The following REEP2 variants were observed in gnomAD, a reference collection of about 807,000 sequenced individuals.
The protein encoded by REEP2 is receptor accessory protein 2.
A neutral mutation model predicts 32.1 loss-of-function variants in REEP2; 9 were observed. The observed-to-expected ratio is 0.28, with a 90% confidence interval of 0.17 to 0.49. The LOEUF (loss-of-function observed/expected upper bound fraction) is 0.49, where lower values mean the gene tolerates loss of function less well. Among genes scored for constraint, REEP2 ranks in the 20% least tolerant of loss-of-function variants. The probability of loss-of-function intolerance (pLI) is 0.99; values close to 1 mark genes in which losing one functional copy is unlikely to be tolerated. For missense variants in REEP2, 236 were observed against 338.0 expected, an observed-to-expected ratio of 0.70 and a Z score of 2.37; for synonymous variants, 128 against 139.1, an observed-to-expected ratio of 0.92 and a Z score of 0.56.
chr5:138,444,943 A>C, intron 5 of REEP2, 76 bp downstream of exon 5: 1 of 1,063,466 alleles, frequency 9.4e-7, no homozygotes. Context: ...CTTTGCATCC[A>C]CCCTGTACTC....
Position 138,444,506 on chromosome 5 carries a change from G to C in REEP2, c.274G>C (p.Val92Leu). 1.9e-6 allele frequency: 3 copies of C among 1,614,038 alleles called. No individual in the cohort carries two copies. Among genetic ancestry groups the C allele is most frequent in the Non-Finnish European group, 2.5e-6 (3 of 1,179,978 alleles). The stretch of plus-strand genomic sequence containing the variant: ...CTCCAGCGTGCTCTACCGCAAGTTC[G>C]TGCACCCAACGCTGTCCAACAAGGA... ...KGSSVLYRKFVHPTLSNKEKE... is the reference protein window; with the variant it reads ...KGSSVLYRKFLHPTLSNKEKE... Residue 92 changes from valine to leucine, a missense_variant, in exon 4 of 8, where the codon GTG becomes CTG. Physicochemically the swap from Val to Leu is conservative, Grantham distance 32. Transcript: ENST00000378339.
At chr5:138,443,321 G>A (rs529132914) in intron 3 of REEP2, among the ~76,000 whole-genome samples, 2 of 151,166 alleles carry the variant, frequency 1.3e-5, no homozygotes, top group Admixed American at 6.6e-5. Context: ...TTAGCCGGGC[G>A]TGGTGGCACA....
Position 138,439,217 on chromosome 5 carries a change from C to G in REEP2, c.9C>G (p.Ser3=). ...CCGCGCCCGGCCCCGCCATGGTGTC[C>G]TGGATCATCTCTCGCCTGGTGGTGT... MV[S]WIISRLVVLI... is the part of the protein sequence containing the mutation. The change falls in exon 1 of 8, where the codon TCC becomes TCG. Residue 3 remains serine (S), a synonymous_variant. Transcript: ENST00000378339. 1 of 1,416,690 alleles carries G rather than the reference C, an allele frequency of 7.1e-7. No homozygotes were observed. Among genetic ancestry groups the G allele is most frequent in the South Asian group, 1.8e-5 (1 of 55,346 alleles). The allele number at this position is 1,416,690 out of a possible 1,614,324, so 87.8% of individuals were successfully genotyped here.
Position 138,441,464 on chromosome 5 carries a change from G to A in REEP2, c.182+3G>A, listed in dbSNP as rs768971516. 6 of 1,613,920 alleles carry A rather than the reference G, an allele frequency of 3.7e-6. No homozygotes were observed. In the South Asian group the frequency reaches 6.6e-5, roughly 18 times the overall value. ...CTCACGGATATAGTGCTCTCCTGGT[G>A]AGGTCCAGCGTCCCCTCCTGTATCT... On this transcript the variant is annotated splice_donor_region_variant and intron_variant, in intron 3 of 7. Coordinates refer to ENST00000378339, the MANE Select transcript of REEP2 (RefSeq NM_001271803.2). This position sits in a 1 kb window ranked among gnomAD's most constrained non-coding sequence, Gnocchi z 4.4.
chr5:138,445,550 C>T lies in REEP2; in HGVS notation c.648C>T (p.Asp216=). The T allele has an allele frequency of 6.2e-7, 1 of 1,614,176 alleles. No individual in the cohort carries two copies. The change falls in exon 7 of 8, where the codon GAC becomes GAT. Residue 216 remains aspartate, a synonymous_variant. Transcript: ENST00000378339. ...AGGCTTCTGAGGATGACATGGGAGA[C>T]AAAGCTCCCAAGAGGGCCAAACCCA... ...RTEASEDDMG[D]KAPKRAKPIK...
In REEP2 at chr5:138,439,184, GC is replaced by G; in HGVS notation, c.-21del. ...GCATCCTCGGCCGGGCCGGGTCCCC[GC>G]CCCGCGCCGCGCCCGGCCCCGCCAT... On this transcript the variant is annotated 5_prime_UTR_variant, in exon 1 of 8. Coordinates refer to ENST00000378339, the MANE Select transcript of REEP2 (RefSeq NM_001271803.2). 7.4e-7 allele frequency: 1 copy of G among 1,355,726 alleles called. No individual in the cohort carries two copies. Among genetic ancestry groups the G allele is most frequent in the Non-Finnish European group, 9.5e-7 (1 of 1,056,418 alleles). 84.0% of individuals were successfully genotyped at this position (1,355,726 alleles called of 1,614,324 possible).
At chr5:138,442,288 G>A (rs988001063) in intron 3 of REEP2, among the ~76,000 whole-genome samples, 2 of 152,168 alleles carry the variant, frequency 1.3e-5, no homozygotes, top group Non-Finnish European at 2.9e-5. Flanking sequence ...TAATAACACA[G>A]TTCATCGGAA....
At chr5:138,445,438 T>C (rs747353725) in intron 6 of REEP2, 30 bp from the exon 7 acceptor site, 8 of 1,613,684 alleles carry the variant, frequency 5.0e-6, no homozygotes, top group Non-Finnish European at 6.8e-6. Flanking sequence ...TGGGAAAGAT[T>C]CCCCCACCTC....
chr5:138,439,253 G>A lies in REEP2; in HGVS notation c.32+13G>A. 7.0e-7 allele frequency: 1 copy of A among 1,420,580 alleles called. No individual in the cohort carries two copies. The highest frequency in any genetic ancestry group is 1.5e-5 in the African/African-American group (1 of 67,356). The allele number at this position is 1,420,580 out of a possible 1,614,324, so 88.0% of individuals were successfully genotyped here. A position where few individuals can be genotyped will look rare whatever the true frequency, so the allele number is the denominator to read the frequency against. ...CTCGCCTGGTGGTGTGAGTGCGGCG[G>A]CGGCGGGGGGTGATGCGGGCTGTGA... On this transcript the variant is annotated intron_variant, in intron 1 of 7. Coordinates refer to ENST00000378339, the MANE Select transcript of REEP2 (RefSeq NM_001271803.2).
chr5:138,445,907 TG>T lies in REEP2; in HGVS notation c.*158del. ...GGTGCCTGCCCAGTGGCCACTCTTC[TG>T]GAAGGGGCTTGGAAAAGAGGAAGGA... On this transcript the variant is annotated 3_prime_UTR_variant, in exon 8 of 8. Transcript: ENST00000378339. 1 of 706,096 alleles carries T rather than the reference TG, an allele frequency of 1.4e-6. No homozygotes were observed. The highest frequency in any genetic ancestry group is 1.9e-5 in the South Asian group (1 of 51,536). The allele number at this position is 706,096 out of a possible 1,614,324, so 43.7% of individuals were successfully genotyped here. A position where few individuals can be genotyped will look rare whatever the true frequency, so the allele number is the denominator to read the frequency against.
At chr5:138,439,390 C>G in intron 1 of REEP2, 150 bp downstream of exon 1, 1 of 746,050 alleles carries the variant, frequency 1.3e-6, no homozygotes. Flanking sequence ...GGAGATGTGG[C>G]ACCCAGGACT....
rs866378955 is a variant in REEP2, at chr5:138,441,951, G to A, written c.182+490G>A. ...CAAAAAAAAAACAAACAAACAAGGA[G>A]TAAGAACAAACATAATCCCCATGTT... is the stretch of plus-strand genomic sequence containing the variant. On this transcript the variant is annotated intron_variant, in intron 3 of 7. Coordinates refer to ENST00000378339, the MANE Select transcript of REEP2 (RefSeq NM_001271803.2). This position sits in a 1 kb window ranked among gnomAD's most constrained non-coding sequence, Gnocchi z 4.4. Among the ~76,000 whole-genome samples, 24 of 152,080 alleles carry A rather than the reference G, an allele frequency of 1.6e-4. No homozygotes were observed. Among genetic ancestry groups the A allele is most frequent in the African/African-American group, 5.3e-4 (22 of 41,428 alleles).
At chr5:138,444,693 CA>C in intron 4 of REEP2, 60 bp from the exon 5 acceptor site, 3 of 1,580,590 alleles carry the variant, frequency 1.9e-6, no homozygotes, top group Non-Finnish European at 2.6e-6. Context: ...GGCCTCTGTC[CA>C]GGGGTGAACA....
chr5:138,444,378 C>G (rs964505542), intron 3 of REEP2, 37 bp from the exon 4 acceptor site: 1 of 1,606,538 alleles, frequency 6.2e-7, no homozygotes, highest in Non-Finnish European at 8.5e-7. Flanking sequence ...CTCCCAACTC[C>G]CTGCCCTGTA....
Position 138,445,845 on chromosome 5 carries a change from T to G in REEP2, c.*94T>G. 8.0e-7 allele frequency: 1 copy of G among 1,255,544 alleles called. No individual in the cohort carries two copies. The highest frequency in any genetic ancestry group is 1.1e-6 in the Non-Finnish European group (1 of 902,836). 77.8% of individuals were successfully genotyped at this position (1,255,544 alleles called of 1,614,324 possible). The stretch of plus-strand genomic sequence containing the variant: ...CTCCACACTGTGCCAGTAGCCTAGG[T>G]GTCTCAGGCCCCTGGGCCCCGCAGA... On this transcript the variant is annotated 3_prime_UTR_variant, in exon 8 of 8. Coordinates refer to ENST00000378339, the MANE Select transcript of REEP2 (RefSeq NM_001271803.2).
rs1205778410 is a variant in REEP2 at position 138,446,382 on chromosome 5, T to A, written c.*631T>A. ...CATGTTCCCACATTAAAAAGGGGGG[T>A]CCAGGGCTGTGTGAGTGTGTCTTTC... On this transcript the variant is annotated 3_prime_UTR_variant, in exon 8 of 8. Transcript: ENST00000378339. 6 of 152,384 alleles carry A rather than the reference T, an allele frequency of 3.9e-5. No individual in the cohort carries two copies. The highest frequency in any genetic ancestry group is 1.5e-4 in the African/African-American group (6 of 41,136). 9.4% of individuals were successfully genotyped at this position (152,384 alleles called of 1,614,324 possible).
Position 138,439,202 on chromosome 5 carries a change from C to T in REEP2, c.-7C>T, listed in dbSNP as rs759778384. The T allele has an allele frequency of 5.8e-6, 8 of 1,369,968 alleles. No homozygotes were observed. Among genetic ancestry groups the T allele is most frequent in the Non-Finnish European group, 7.5e-6 (8 of 1,062,950 alleles). 84.9% of individuals were successfully genotyped at this position (1,369,968 alleles called of 1,614,324 possible). A position where few individuals can be genotyped will look rare whatever the true frequency, so the allele number is the denominator to read the frequency against. ...GGTCCCCGCCCCGCGCCGCGCCCGG[C>T]CCCGCCATGGTGTCCTGGATCATCT... is the stretch of plus-strand genomic sequence containing the variant. On this transcript the variant is annotated 5_prime_UTR_variant, in exon 1 of 8. Transcript: ENST00000378339.
intron 3 of REEP2, among the ~76,000 whole-genome samples, chr5:138,442,816 G>A (rs572130885): frequency 2.0e-5 from 3 of 150,650 alleles, no homozygotes; most frequent in East Asian, 2.0e-4. Context: ...AGTCGAGATC[G>A]AGCCACTGCA....
chr5:138,445,565 G>A lies in REEP2; in HGVS notation c.663G>A (p.Arg221=), dbSNP rs771438406. The change falls in exon 7 of 8, where the codon AGG becomes AGA. Residue 221 remains arginine, a synonymous_variant. Transcript: ENST00000378339. ...EDDMGDKAPK[R]AKPIKKAPKA... is the part of the protein sequence containing the mutation. ...ACATGGGAGACAAAGCTCCCAAGAG[G>A]GCCAAACCCATCAAAAAAGCGCCCA... 7 of 1,614,180 alleles carry A rather than the reference G, an allele frequency of 4.3e-6. No homozygotes were observed. Among genetic ancestry groups the A allele is most frequent in the Non-Finnish European group, 5.1e-6 (6 of 1,180,032 alleles).
Sources: gnomAD v4.1 joint callset for allele counts (sites outside exome capture counted in the v4.1 genomes callset) on GRCh38, gnomAD v4.1.1 for gene constraint, Gnocchi (gnomAD v3.1) non-coding constraint, MANE v1.5 for transcripts, NCBI Gene and HGNC (gene_info 2026-07-23, HGNC 2026-07-21) for gene names.